The following NCKAP5 variants were observed in gnomAD, a reference collection of about 807,000 sequenced individuals.
NCKAP5 encodes the protein NCK associated protein 5.
Under a neutral mutation model 167.0 loss-of-function variants are expected in NCKAP5, and 92 were observed. That is an observed-to-expected ratio of 0.55 (90% CI 0.47 to 0.66). The LOEUF is 0.66. Ranked by LOEUF, NCKAP5 falls within the 30% of genes least tolerant of loss-of-function variation. The probability of loss-of-function intolerance (pLI) is 0.00; values close to 1 mark genes in which losing one functional copy is unlikely to be tolerated. For synonymous variants in NCKAP5, 891 were observed against 877.4 expected (o/e 1.02, Z -0.27); for missense variants, 2,378 against 2,315.0 (o/e 1.03, Z -0.56).
chr2:133,402,255 C>T (rs73957084), intron 3 of NCKAP5, among the ~76,000 whole-genome samples: 1,602 of 152,174 alleles, frequency 0.011, 29 homozygotes, highest in African/African-American at 0.035. Context: ...GTACCAAACA[C>T]AGATCCAGAA....
At chr2:132,729,742 C>A (rs763187739) in intron 17 of NCKAP5, among the ~76,000 whole-genome samples, 11 of 152,102 alleles carry the variant, frequency 7.2e-5, no homozygotes, top group Non-Finnish European at 1.3e-4. Context: ...CTTTGTCATG[C>A]CAGAATGGAG....
chr2:133,111,483 A>G (rs2081909795), intron 6 of NCKAP5, among the ~76,000 whole-genome samples: 6 of 152,204 alleles, frequency 3.9e-5, no homozygotes, highest in Admixed American at 3.9e-4. Flanking sequence ...TATGCCTGTG[A>G]ATTACCAGTG....
At chr2:132,855,755 C>G (rs185224518) in intron 11 of NCKAP5, among the ~76,000 whole-genome samples, 1,530 of 152,354 alleles carry the variant, frequency 0.01, 13 homozygotes, top group Non-Finnish European at 0.016. Context: ...GCTCTCACCA[C>G]AGGCTACCTG....
At chr2:133,529,154 A>T (rs1167631275) in intron 2 of NCKAP5, among the ~76,000 whole-genome samples, 2 of 152,154 alleles carry the variant, frequency 1.3e-5, no homozygotes, top group Non-Finnish European at 2.9e-5. Context: ...ATTTTGTAAA[A>T]AACATACCAT....
intron 19 of NCKAP5, among the ~76,000 whole-genome samples, chr2:132,687,755 A>C (rs11895708): frequency 6.1e-4 from 87 of 142,288 alleles, no homozygotes; most frequent in South Asian, 2.0e-3. Context: ...ACACACACAC[A>C]CCCTTCCTCT....
At chr2:133,021,082 G>T (rs2078510346) in intron 6 of NCKAP5, among the ~76,000 whole-genome samples, 1 of 152,198 alleles carries the variant, frequency 6.6e-6, no homozygotes, top group South Asian at 2.1e-4. Flanking sequence ...GAAAACTGTA[G>T]ACTGGCCTTT....
chr2:132,969,863 C>A (rs2076781977), intron 7 of NCKAP5, among the ~76,000 whole-genome samples: 1 of 152,234 alleles, frequency 6.6e-6, no homozygotes, highest in South Asian at 2.1e-4. Context: ...ACAAAATGCC[C>A]TGATGCAAAT....
At chr2:132,895,346 CAAAA>C (rs563409400) in intron 8 of NCKAP5, among the ~76,000 whole-genome samples, 179 of 71,906 alleles carry the variant, frequency 2.5e-3, no homozygotes, top group African/African-American at 6.1e-3. Context: ...GACTCTGTCT[CAAAA>C]AAAAAAAAAA....
At chr2:133,545,604 C>T (rs1686591556) in intron 2 of NCKAP5, among the ~76,000 whole-genome samples, 1 of 152,124 alleles carries the variant, frequency 6.6e-6, no homozygotes, top group Admixed American at 6.5e-5. Flanking sequence ...GGTTACCGCA[C>T]CTAGCACCCA....
the NCKAP5 span, among the ~76,000 whole-genome samples, chr2:133,606,338 C>G: frequency 2.0e-5 from 3 of 152,174 alleles, no homozygotes; most frequent in African/African-American, 7.2e-5. Flanking sequence ...TTTACTTAAA[C>G]AAGGAAGCCT....
intron 16 of NCKAP5, among the ~76,000 whole-genome samples, chr2:132,740,534 CA>C (rs1437832985): frequency 6.6e-6 from 1 of 152,096 alleles, no homozygotes; most frequent in Non-Finnish European, 1.5e-5. Flanking sequence ...TGGTTTTCTC[CA>C]AGTAGTAAAA....
intron 2 of NCKAP5, among the ~76,000 whole-genome samples, chr2:133,526,399 T>C (rs1684931324): frequency 6.6e-6 from 1 of 151,906 alleles, no homozygotes; most frequent in Admixed American, 6.6e-5. Flanking sequence ...GATTTATATA[T>C]TGATTAGTAA....
chr2:132,690,216 T>G (rs1686540735), intron 19 of NCKAP5, among the ~76,000 whole-genome samples: 1 of 152,132 alleles, frequency 6.6e-6, no homozygotes, highest in Admixed American at 6.5e-5. Flanking sequence ...TCCTCTCACA[T>G]CCCAAGGCTA....
intron 3 of NCKAP5, among the ~76,000 whole-genome samples, chr2:133,426,510 A>G (rs1689816663): frequency 6.6e-6 from 1 of 152,058 alleles, no homozygotes; most frequent in Non-Finnish European, 1.5e-5. Context: ...ATCATCTAAT[A>G]CCAAAATCAG....
chr2:133,371,334 A>G (rs1685792668), intron 3 of NCKAP5, among the ~76,000 whole-genome samples: 1 of 152,230 alleles, frequency 6.6e-6, no homozygotes, highest in South Asian at 2.1e-4. Flanking sequence ...GGGAGATGAG[A>G]AAAAAGGTAG....
intron 4 of NCKAP5, among the ~76,000 whole-genome samples, chr2:133,231,109 C>A (rs1156549537): frequency 2.0e-5 from 3 of 152,118 alleles, no homozygotes; most frequent in Non-Finnish European, 4.4e-5. Flanking sequence ...TCTTCGAGAA[C>A]AATACCCTCA....
chr2:133,168,008 G>A (rs12611686), intron 5 of NCKAP5, among the ~76,000 whole-genome samples: 21,410 of 152,040 alleles, frequency 0.14, 1,683 homozygotes, highest in East Asian at 0.39. Context: ...TTTACTGTTT[G>A]CAAGGTACTA....
At chr2:133,207,939 C>T (rs2086029154) in intron 5 of NCKAP5, among the ~76,000 whole-genome samples, 1 of 152,110 alleles carries the variant, frequency 6.6e-6, no homozygotes, top group Non-Finnish European at 1.5e-5. Context: ...TGACTTCCTC[C>T]CAAAGAGTAC....
the NCKAP5 span, among the ~76,000 whole-genome samples, chr2:133,607,767 G>T: frequency 4.6e-5 from 7 of 152,164 alleles, no homozygotes. Flanking sequence ...GAAGGCCCAT[G>T]TATCTCAGAC....
Sources: allele counts gnomAD v4.1 joint callset (sites outside exome capture counted in the v4.1 genomes callset), GRCh38; gene constraint gnomAD v4.1.1; transcripts MANE v1.5; gene names NCBI Gene and HGNC (gene_info 2026-07-23, HGNC 2026-07-21).